The following SIPA1L3 variants were observed in gnomAD, a reference collection of about 807,000 sequenced individuals.
SIPA1L3 encodes the protein signal induced proliferation associated 1 like 3.
Under a neutral mutation model 150.1 loss-of-function variants are expected in SIPA1L3, and 59 were observed. The observed-to-expected ratio is 0.39, with a 90% confidence interval of 0.32 to 0.49. SIPA1L3 has a LOEUF of 0.49. SIPA1L3 is among the 20% of genes least tolerant of loss of function. SIPA1L3 has a pLI of 0.86. For synonymous variants in SIPA1L3, 1,070 were observed against 1,077.6 expected, an observed-to-expected ratio of 0.99 and a Z score of 0.14; for missense variants, 2,211 against 2,489.5, an observed-to-expected ratio of 0.89 and a Z score of 2.38.
intron 1 of SIPA1L3, among the ~76,000 whole-genome samples, chr19:37,950,685 C>G (rs1047844613): frequency 6.6e-6 from 1 of 152,186 alleles, no homozygotes; most frequent in Non-Finnish European, 1.5e-5. Flanking sequence ...CCGAGACTGG[C>G]GCTTGCTCCC....
At chr19:38,083,447 T>A (rs113314636) in intron 3 of SIPA1L3, among the ~76,000 whole-genome samples, 2 of 152,218 alleles carry the variant, frequency 1.3e-5, no homozygotes, top group Admixed American at 6.5e-5. Context: ...CTAGTACTTA[T>A]AATGTTTTCA....
chr19:38,044,043 G>A (rs1968992406), intron 2 of SIPA1L3, among the ~76,000 whole-genome samples: 1 of 152,202 alleles, frequency 6.6e-6, no homozygotes, highest in African/African-American at 2.4e-5. Flanking sequence ...ATATCTTGAA[G>A]GTGGAGCTGA....
chr19:38,082,740 T>C lies in SIPA1L3; in HGVS notation c.1175T>C (p.Leu392Pro), dbSNP rs1252681536. Residue 392 changes from leucine (L) to proline (P), a missense_variant, in exon 3 of 22, where the codon CTC (leucine) becomes CCC (proline). Physicochemically the swap from Leu to Pro is moderately conservative, Grantham distance 98. This residue lies in a region of SIPA1L3 where 587 missense variants were observed against 534.5 expected (regional missense o/e 1.10). Transcript: ENST00000222345. ...CTCACGGCCTCGCGGGCCCACAGCC[T>C]CGGAGGCCTGGACCCGGCCTTCACC... ...ASLTASRAHS[L>P]GGLDPAFTST... 6.2e-7 allele frequency: 1 copy of C among 1,612,488 alleles called. No individual in the cohort carries two copies.
chr19:37,976,732 G>C (rs1276490913), intron 1 of SIPA1L3, among the ~76,000 whole-genome samples: 1 of 152,184 alleles, frequency 6.6e-6, no homozygotes, highest in Non-Finnish European at 1.5e-5. Flanking sequence ...TGAGGATTCA[G>C]TAAGTTGATA....
intron 18 of SIPA1L3, among the ~76,000 whole-genome samples, chr19:38,194,121 C>T (rs1387714093): frequency 6.6e-6 from 1 of 151,626 alleles, no homozygotes; most frequent in Non-Finnish European, 1.5e-5. Flanking sequence ...CCCCAACCCT[C>T]CCACCCATTC....
chr19:37,926,144 TC>T (rs147602257), intron 1 of SIPA1L3, among the ~76,000 whole-genome samples: 37,862 of 152,108 alleles, frequency 0.25, 5,890 homozygotes, highest in Non-Finnish European at 0.35. Flanking sequence ...CCTAACAGCT[TC>T]CTTTCAGGAA....
intron 1 of SIPA1L3, among the ~76,000 whole-genome samples, chr19:37,997,924 G>A (rs922871981): frequency 6.6e-6 from 1 of 151,776 alleles, no homozygotes; most frequent in African/African-American, 2.4e-5. Context: ...GGAACCTAGA[G>A]CACTGGTCTC....
At chr19:38,187,138 T>G (rs796692129) in intron 16 of SIPA1L3, among the ~76,000 whole-genome samples, 6 of 147,832 alleles carry the variant, frequency 4.1e-5, no homozygotes, top group African/African-American at 1.5e-4. Flanking sequence ...AACAACATAG[T>G]GAGGTCCCAC....
intron 10 of SIPA1L3, among the ~76,000 whole-genome samples, chr19:38,132,584 C>CAAA (rs375027167): frequency 9.2e-5 from 10 of 108,518 alleles, no homozygotes; most frequent in African/African-American, 2.7e-4. Flanking sequence ...AGCTACGTCT[C>CAAA]AAAAAAAAAA....
rs189108475 is a variant in SIPA1L3, at chr19:37,911,720, C to G, written c.-379+4362C>G. Reference sequence around the variant, plus strand: ...TAGAGATGGGGTTTCACCGTGGTCTCGATCTCCTGACCTCGTGATCCGCCC... The same window carrying G: ...TAGAGATGGGGTTTCACCGTGGTCTGGATCTCCTGACCTCGTGATCCGCCC... On this transcript the variant is annotated intron_variant, in intron 1 of 21. Transcript: ENST00000222345. Among the ~76,000 whole-genome samples, 775 of 151,766 alleles carry G rather than the reference C, an allele frequency of 5.1e-3. 6 individuals are homozygous for G. Among genetic ancestry groups the G allele is most frequent in the African/African-American group, 0.018 (750 of 41,388 alleles).
chr19:37,949,760 A>G (rs2046745198), intron 1 of SIPA1L3, among the ~76,000 whole-genome samples: 1 of 152,064 alleles, frequency 6.6e-6, no homozygotes, highest in African/African-American at 2.4e-5. Flanking sequence ...TCTCATATGA[A>G]GCAACATCAT....
At chr19:38,030,603 TTATATATATA>T (rs58410246) in intron 2 of SIPA1L3, among the ~76,000 whole-genome samples, 1 of 138,382 alleles carries the variant, frequency 7.2e-6, no homozygotes, top group Admixed American at 7.0e-5. Flanking sequence ...TACACATATT[TTATATATATA>T]TATGTGGCAA....
intron 1 of SIPA1L3, among the ~76,000 whole-genome samples, chr19:38,004,919 C>T (rs941763175): frequency 6.6e-6 from 1 of 152,186 alleles, no homozygotes. Context: ...GGAAGCCTGG[C>T]CATCACAGAC....
At chr19:37,995,670 G>A (rs1281125267) in intron 1 of SIPA1L3, among the ~76,000 whole-genome samples, 2 of 152,166 alleles carry the variant, frequency 1.3e-5, no homozygotes, top group East Asian at 1.9e-4. Context: ...TGGGCAGAGG[G>A]CACAGAATGA....
At chr19:38,092,587 C>T (rs1423576740) in intron 4 of SIPA1L3, among the ~76,000 whole-genome samples, 1 of 152,184 alleles carries the variant, frequency 6.6e-6, no homozygotes, top group Non-Finnish European at 1.5e-5. Context: ...CTGATGACAG[C>T]ACGGGGACTC....
intron 6 of SIPA1L3, among the ~76,000 whole-genome samples, chr19:38,104,258 G>T (rs1171165481): frequency 6.6e-6 from 1 of 152,242 alleles, no homozygotes; most frequent in African/African-American, 2.4e-5. Flanking sequence ...CTCCGCTGAA[G>T]GAGGCTGTAG....
At position 38,091,163 on chromosome 19, in the gene SIPA1L3, G is replaced by A. The variant is rs527609573; in HGVS notation, c.1665+2312G>A. On this transcript the variant is annotated intron_variant, in intron 4 of 21. Transcript: ENST00000222345. ...CACTTTGGGAGGCCAAGGCAGGTGG[G>A]TCCCTTGAGCCCTGGAGTTCGAGAC... is the stretch of plus-strand genomic sequence containing the variant. Among the ~76,000 whole-genome samples the A allele has an allele frequency of 9.2e-5, 14 of 152,182 alleles. No individual in the cohort carries two copies. In the South Asian group the frequency reaches 1.7e-3, roughly 18 times the overall value.
chr19:38,134,737 C>G (rs1324581274), intron 10 of SIPA1L3, among the ~76,000 whole-genome samples: 1 of 135,192 alleles, frequency 7.4e-6, no homozygotes, highest in Non-Finnish European at 1.6e-5. Flanking sequence ...AAAAAAGGCA[C>G]GTGGGACAGT....
In SIPA1L3 at chr19:38,082,954, C is replaced by G. The variant is rs1970041626; in HGVS notation, c.1389C>G (p.Ala463=). 6.2e-7 allele frequency: 1 copy of G among 1,612,912 alleles called. No individual in the cohort carries two copies. The highest frequency in any genetic ancestry group is 8.5e-7 in the Non-Finnish European group (1 of 1,179,868). The change falls in exon 3 of 22, where the codon GCC becomes GCG. Residue 463 remains alanine, a synonymous_variant. Transcript: ENST00000222345. ...SSGEGHLAEP[A]LSAYRTNASI... ...GCGAGGGCCACCTGGCAGAGCCCGC[C>G]CTGAGCGCCTACCGCACCAACGCCA... is the stretch of plus-strand genomic sequence containing the variant.
Sources: gnomAD v4.1 joint callset for allele counts (sites outside exome capture counted in the v4.1 genomes callset) on GRCh38, gnomAD v4.1.1 for gene constraint, gnomAD v4.1.1 regional missense constraint, MANE v1.5 for transcripts, NCBI Gene and HGNC (gene_info 2026-07-23, HGNC 2026-07-21) for gene names.